NSG2: variants seen among roughly 807,000 people sequenced by gnomAD.
NSG2 encodes the protein neuronal vesicle trafficking-associated protein 2.
In NSG2, 4 loss-of-function variants were observed where a neutral mutation model predicts 16.9. That is an observed-to-expected ratio of 0.24 (90% CI 0.12 to 0.54). The LOEUF is 0.54. Among genes scored for constraint, NSG2 ranks in the 20% least tolerant of loss-of-function variants. NSG2 has a pLI of 0.95. For missense variants in NSG2, 179 were observed against 221.1 expected (o/e 0.81, Z 1.21); for synonymous variants, 98 against 88.7 (o/e 1.11, Z -0.59).
At position 174,107,775 on chromosome 5, in the gene NSG2, T is replaced by A. The variant is rs1337927103; in HGVS notation, c.*270T>A. 1 of 641,646 alleles carries A rather than the reference T, an allele frequency of 1.6e-6. No homozygotes were observed. The highest frequency in any genetic ancestry group is 1.5e-5 in the South Asian group (1 of 65,906). The allele number at this position is 641,646 out of a possible 1,614,324, so 39.7% of individuals were successfully genotyped here. A position where few individuals can be genotyped will look rare whatever the true frequency, so the allele number is the denominator to read the frequency against. On this transcript the variant is annotated 3_prime_UTR_variant, in exon 5 of 5. Coordinates refer to ENST00000303177, the MANE Select transcript of NSG2 (RefSeq NM_015980.5). This position sits in a 1 kb window ranked among gnomAD's most constrained non-coding sequence, Gnocchi z 4.5. ...TCGTGTTGATTGTTCCCATGTAAGATATTTTTAAAGCCACTGCTTATTCTT... is the reference window on the plus strand; with the variant it reads ...TCGTGTTGATTGTTCCCATGTAAGAAATTTTTAAAGCCACTGCTTATTCTT...
chr5:174,055,471 G>A (rs191947169), intron 2 of NSG2, among the ~76,000 whole-genome samples: 3 of 152,202 alleles, frequency 2.0e-5, no homozygotes, highest in African/African-American at 4.8e-5. Flanking sequence ...GGTGGCAGGT[G>A]CCTATAGTCC....
intron 3 of NSG2, among the ~76,000 whole-genome samples, chr5:174,084,607 C>T (rs1760565306): frequency 6.6e-6 from 1 of 152,200 alleles, no homozygotes; most frequent in Non-Finnish European, 1.5e-5. Context: ...CAGGAAGCAG[C>T]CCAGATCTGA....
At chr5:174,068,726 A>G (rs867118229) in intron 3 of NSG2, among the ~76,000 whole-genome samples, 166 of 54,372 alleles carry the variant, frequency 3.1e-3, no homozygotes, top group South Asian at 3.5e-3. Context: ...GTGTCATGGG[A>G]ATCCTGGTGC....
chr5:174,095,549 C>T (rs749095764), intron 3 of NSG2, among the ~76,000 whole-genome samples: 47 of 152,158 alleles, frequency 3.1e-4, no homozygotes, highest in Non-Finnish European at 4.7e-4. Flanking sequence ...AATAGGGGCA[C>T]TGCTTGAATT....
intron 3 of NSG2, chr5:174,081,609 T>C (rs75582525): frequency 6.6e-6 from 1 of 152,310 alleles, no homozygotes; most frequent in Admixed American, 6.5e-5. Flanking sequence ...GGTATTAATG[T>C]CATTCTGCCT....
intron 2 of NSG2, among the ~76,000 whole-genome samples, chr5:174,057,488 C>T (rs1218666680): frequency 4.1e-5 from 6 of 147,000 alleles, no homozygotes; most frequent in Non-Finnish European, 5.9e-5. Flanking sequence ...AGGAACAAAA[C>T]ACTAAGCTTT....
chr5:174,074,784 T>C (rs1285268833), intron 3 of NSG2, among the ~76,000 whole-genome samples: 3 of 151,968 alleles, frequency 2.0e-5, no homozygotes, highest in Admixed American at 2.0e-4. Flanking sequence ...GCCCATGCAG[T>C]GTCCTCTGCC....
chr5:174,094,423 A>G (rs1374297286), intron 3 of NSG2, among the ~76,000 whole-genome samples: 2 of 152,154 alleles, frequency 1.3e-5, no homozygotes, highest in African/African-American at 4.8e-5. Flanking sequence ...CAGCAATCCT[A>G]TGGGGTGGGA....
chr5:174,061,897 C>G (rs906778334), intron 2 of NSG2, among the ~76,000 whole-genome samples: 1 of 148,878 alleles, frequency 6.7e-6, no homozygotes, highest in African/African-American at 2.5e-5. Context: ...GCCACTGTGC[C>G]GAGCCCCCAA....
chr5:174,069,486 G>T lies in NSG2; in HGVS notation c.213+5171G>T, dbSNP rs577389828. 4.6e-4 allele frequency among the ~76,000 whole-genome samples: 70 copies of T among 152,228 alleles called. 1 individual carries two copies. The South Asian group carries it at 0.014, about 31-fold the overall frequency. Reference sequence around the variant, plus strand: ...GCTCGCCTAGGCATCTTAGATCTTGGCTTTGCCATATCTTAGCTTCATGAC... The same window carrying T: ...GCTCGCCTAGGCATCTTAGATCTTGTCTTTGCCATATCTTAGCTTCATGAC... On this transcript the variant is annotated intron_variant, in intron 3 of 4. Coordinates refer to ENST00000303177, the MANE Select transcript of NSG2 (RefSeq NM_015980.5).
At chr5:174,085,154 G>A (rs1352281092) in intron 3 of NSG2, among the ~76,000 whole-genome samples, 2 of 152,190 alleles carry the variant, frequency 1.3e-5, no homozygotes, top group Non-Finnish European at 2.9e-5. Flanking sequence ...GACTCCATAA[G>A]TGTATATTTA....
chr5:174,098,324 C>T (rs1760838700), intron 3 of NSG2, among the ~76,000 whole-genome samples: 3 of 152,136 alleles, frequency 2.0e-5, no homozygotes, highest in Non-Finnish European at 4.4e-5. Flanking sequence ...ACCCCGACAG[C>T]ACCAGGGCTG....
intron 3 of NSG2, among the ~76,000 whole-genome samples, chr5:174,069,008 G>C (rs1399695588): frequency 6.7e-6 from 1 of 149,030 alleles, no homozygotes; most frequent in African/African-American, 2.5e-5. Flanking sequence ...GTGCTATGGA[G>C]AGTGCTGGTG....
rs1760002921 is a variant in NSG2 at position 174,058,679 on chromosome 5, A to G, written c.130-5553A>G. Reference sequence around the variant, plus strand: ...GAGGAGAACCTTTCAAGGAGGAGAGAGAGAACAAGCTTGTCAAAAATGACT... The same window carrying G: ...GAGGAGAACCTTTCAAGGAGGAGAGGGAGAACAAGCTTGTCAAAAATGACT... On this transcript the variant is annotated intron_variant, in intron 2 of 4. Coordinates refer to ENST00000303177, the MANE Select transcript of NSG2 (RefSeq NM_015980.5). Among the ~76,000 whole-genome samples, 3 of 152,276 alleles carry G rather than the reference A, an allele frequency of 2.0e-5. No individual in the cohort carries two copies. The South Asian group carries it at 6.2e-4, about 32-fold the overall frequency.
At chr5:174,052,667 A>G (rs1759909616) in intron 2 of NSG2, among the ~76,000 whole-genome samples, 1 of 152,228 alleles carries the variant, frequency 6.6e-6, no homozygotes, top group Non-Finnish European at 1.5e-5. Flanking sequence ...AGTAGCCACA[A>G]TAACCCAGGT....
chr5:174,085,662 C>T (rs906167552), intron 3 of NSG2, among the ~76,000 whole-genome samples: 2 of 152,160 alleles, frequency 1.3e-5, no homozygotes, highest in African/African-American at 4.8e-5. Flanking sequence ...TCCCGAGTTT[C>T]ACTTTGTACA....
chr5:174,055,664 C>T (rs539427707), intron 2 of NSG2, among the ~76,000 whole-genome samples: 69 of 152,176 alleles, frequency 4.5e-4, no homozygotes, highest in Non-Finnish European at 8.4e-4. Context: ...GCAGATAGTT[C>T]ATTTGAGACC....
chr5:174,085,839 C>T (rs1383804900), intron 3 of NSG2, among the ~76,000 whole-genome samples: 1 of 152,132 alleles, frequency 6.6e-6, no homozygotes, highest in Non-Finnish European at 1.5e-5. Flanking sequence ...CCTGGCTGTG[C>T]GAGGCTAGGA....
intron 2 of NSG2, among the ~76,000 whole-genome samples, chr5:174,059,320 A>G (rs186105597): frequency 6.6e-6 from 1 of 152,148 alleles, no homozygotes; most frequent in Non-Finnish European, 1.5e-5. Flanking sequence ...GTAAACCACA[A>G]TTTATCCATT....
Sources: gnomAD v4.1 joint callset for allele counts (sites outside exome capture counted in the v4.1 genomes callset) on GRCh38, gnomAD v4.1.1 for gene constraint, Gnocchi (gnomAD v3.1) non-coding constraint, MANE v1.5 for transcripts, NCBI Gene and HGNC (gene_info 2026-07-23, HGNC 2026-07-21) for gene names.